The following ADAMTS8 variants were observed in gnomAD, a reference collection of about 807,000 sequenced individuals.
The protein encoded by ADAMTS8 is ADAM metallopeptidase with thrombospondin type 1 motif 8.
A neutral mutation model predicts 64.4 loss-of-function variants in ADAMTS8; 50 were observed. The ratio of observed to expected loss-of-function variants is 0.78; its 90% CI spans 0.62 to 0.98. The LOEUF (loss-of-function observed/expected upper bound fraction) is 0.98. Among genes scored for constraint, ADAMTS8 ranks in the 50% least tolerant of loss-of-function variants. The pLI, the probability that ADAMTS8 is intolerant of heterozygous loss-of-function variation, is 0.00. For missense variants in ADAMTS8, 1,192 were observed against 1,208.2 expected (o/e 0.99, Z 0.20); for synonymous variants, 556 against 533.6 (o/e 1.04, Z -0.58).
chr11:130,409,138 C>T (rs759906700), intron 6 of ADAMTS8, among the ~76,000 whole-genome samples, 198 bp from the exon 7 acceptor site: 3 of 152,154 alleles, frequency 2.0e-5, no homozygotes, highest in Non-Finnish European at 4.4e-5. Context: ...AGGAAAGGAG[C>T]CTCCAGCCGC....
chr11:130,427,729 G>A lies in ADAMTS8; in HGVS notation c.558C>T (p.Ser186=). 1 of 1,595,392 alleles carries A rather than the reference G, an allele frequency of 6.3e-7. No homozygotes were observed. Residue 186 remains serine (S), a synonymous_variant, in exon 1 of 9, where the codon AGC becomes AGT. Transcript: ENST00000257359. Reference sequence around the variant, plus strand: ...CCTCCTCTTCTTGGCTCTCCTCCTCGCTGTCCTCCTGGTGGTCTCCTCTCT... The same window carrying A: ...CCTCCTCTTCTTGGCTCTCCTCCTCACTGTCCTCCTGGTGGTCTCCTCTCT... ...RQERGDHQED[S]EEESQEEEAE... is the part of the protein sequence containing the mutation.
At position 130,405,647 on chromosome 11, in the gene ADAMTS8, C is replaced by A; in HGVS notation, c.2581G>T (p.Asp861Tyr). ...GTGGCAGAGGCCTGGCCGGAGGGGT[C>A]CCTGCACTCTACAGTTCGCCTCTGC... ...GWQRRTVECR[D>Y]PSGQASATCN... is the part of the protein sequence containing the mutation. Residue 861 changes from aspartate to tyrosine, a missense_variant, in exon 9 of 9, where the codon GAC (aspartate) becomes TAC (tyrosine). Coordinates refer to ENST00000257359, the MANE Select transcript of ADAMTS8 (RefSeq NM_007037.6). The A allele has an allele frequency of 6.2e-7, 1 of 1,614,086 alleles. No homozygotes were observed. Among genetic ancestry groups the A allele is most frequent in the Non-Finnish European group, 8.5e-7 (1 of 1,180,022 alleles).
Position 130,406,035 on chromosome 11 carries a change from G to C in ADAMTS8, c.2193C>G (p.Asn731Lys), listed in dbSNP as rs1861878610. The C allele has an allele frequency of 1.2e-6, 2 of 1,614,172 alleles. No individual in the cohort carries two copies. Among genetic ancestry groups the C allele is most frequent in the Non-Finnish European group, 1.7e-6 (2 of 1,180,038 alleles). Reference sequence around the variant, plus strand: ...CATCAGCCGTCTTCAGCGCCAGGTAGTTCCCATCGTTCTGCACACCCGGGT... The same window carrying C: ...CATCAGCCGTCTTCAGCGCCAGGTACTTCCCATCGTTCTGCACACCCGGGT... The part of the protein sequence containing the change: ...RSHPGVQNDG[N>K]YLALKTADGQ... The change falls in exon 9 of 9, where the codon AAC (asparagine) becomes AAG (lysine). Residue 731 changes from asparagine (N) to lysine (K), a missense_variant. Physicochemically the swap from Asn to Lys is moderately conservative, Grantham distance 94 (BLOSUM62 0). Coordinates refer to ENST00000257359, the MANE Select transcript of ADAMTS8 (RefSeq NM_007037.6).
At position 130,416,987 on chromosome 11, in the gene ADAMTS8, A is replaced by G. The variant is rs1234629387; in HGVS notation, c.1049T>C (p.Ile350Thr). ...GGCCGCCTGGAGCCCCTCATCCTCG[A>G]TCACGGAGCAGCTTTTGTTGGGGTC... ...ICDPNKSCSV[I>T]EDEGLQAAHT... Residue 350 changes from isoleucine (I) to threonine (T), a missense_variant, in exon 3 of 9, where the codon ATC (isoleucine) becomes ACC (threonine). By Grantham distance (89) the Ile-to-Thr change is moderately conservative (BLOSUM62 -1). Transcript: ENST00000257359. The surrounding 1 kb of genome is among the most constrained non-coding windows in gnomAD (Gnocchi z 4.8). 6.2e-7 allele frequency: 1 copy of G among 1,613,968 alleles called. No individual in the cohort carries two copies. The highest frequency in any genetic ancestry group is 8.5e-7 in the Non-Finnish European group (1 of 1,180,034).
Position 130,416,696 on chromosome 11 carries a change from C to G in ADAMTS8, c.1096+244G>C, listed in dbSNP as rs187497860. Reference sequence around the variant, plus strand: ...GGTGTCCTGTGTCCTGGCATTTGCCCGGTGACCTGTGATAATCGTGTGGGA... The same window carrying G: ...GGTGTCCTGTGTCCTGGCATTTGCCGGGTGACCTGTGATAATCGTGTGGGA... On this transcript the variant is annotated intron_variant, in intron 3 of 8. Coordinates refer to ENST00000257359, the MANE Select transcript of ADAMTS8 (RefSeq NM_007037.6). This position sits in a 1 kb window ranked among gnomAD's most constrained non-coding sequence, Gnocchi z 4.8. Among the ~76,000 whole-genome samples the G allele has an allele frequency of 1.3e-5, 2 of 152,302 alleles. No homozygotes were observed. The highest frequency in any genetic ancestry group is 4.1e-4 in the South Asian group (2 of 4,824).
intron 4 of ADAMTS8, among the ~76,000 whole-genome samples, chr11:130,415,604 T>C (rs974965275): frequency 1.4e-4 from 3 of 22,084 alleles, no homozygotes; most frequent in African/African-American, 5.8e-4. Flanking sequence ...CACCTGGCCC[T>C]TTTTTTTTTT....
Position 130,416,156 on chromosome 11 carries a change from T to C in ADAMTS8, c.1264+7A>G, listed in dbSNP as rs1277401328. 6.4e-7 allele frequency: 1 copy of C among 1,566,728 alleles called. No individual in the cohort carries two copies. Among genetic ancestry groups the C allele is most frequent in the East Asian group, 2.3e-5 (1 of 42,812 alleles). On this transcript the variant is annotated splice_region_variant and intron_variant, in intron 4 of 8. Coordinates refer to ENST00000257359, the MANE Select transcript of ADAMTS8 (RefSeq NM_007037.6). The surrounding 1 kb of genome is among the most constrained non-coding windows in gnomAD (Gnocchi z 4.8). ...GGGACAAGTAGGGCGGGGCCGCCGGTGCCTACCGTGCCCGCCGTCCAGAAG... is the reference window on the plus strand; with the variant it reads ...GGGACAAGTAGGGCGGGGCCGCCGGCGCCTACCGTGCCCGCCGTCCAGAAG...
intron 1 of ADAMTS8, among the ~76,000 whole-genome samples, chr11:130,426,100 C>A (rs574785963): frequency 1.3e-5 from 2 of 152,312 alleles, no homozygotes; most frequent in South Asian, 4.1e-4. Flanking sequence ...TCAGCGTGAC[C>A]CAAAGCTGCT....
At chr11:130,422,691 A>G (rs1862116234) in intron 1 of ADAMTS8, among the ~76,000 whole-genome samples, 1 of 152,224 alleles carries the variant, frequency 6.6e-6, no homozygotes, top group African/African-American at 2.4e-5. Context: ...GCAAGCAGCA[A>G]AGAGCAATGT....
chr11:130,411,265 C>T lies in ADAMTS8; in HGVS notation c.1750+152G>A. 1.0e-6 allele frequency: 1 copy of T among 954,070 alleles called. No homozygotes were observed. The highest frequency in any genetic ancestry group is 1.5e-6 in the Non-Finnish European group (1 of 654,014). 59.1% of individuals were successfully genotyped at this position (954,070 alleles called of 1,614,324 possible). ...ATTTAGGTGGAGATCACAGGCAAAA[C>T]TCTACATCCCAGGAGACCCAATTTA... On this transcript the variant is annotated intron_variant, in intron 6 of 8. Coordinates refer to ENST00000257359, the MANE Select transcript of ADAMTS8 (RefSeq NM_007037.6). The surrounding 1 kb of genome is among the most constrained non-coding windows in gnomAD (Gnocchi z 4.2).
At chr11:130,408,398 T>C (rs958613403) in intron 8 of ADAMTS8, 66 bp downstream of exon 8, 9 of 1,579,618 alleles carry the variant, frequency 5.7e-6, no homozygotes, top group African/African-American at 1.3e-5. Context: ...AATTTGGGCC[T>C]AGCAGAGTGC....
Position 130,427,822 on chromosome 11 carries a change from G to A in ADAMTS8, c.465C>T (p.Pro155=). The part of the protein sequence containing the change: ...AQPHRLQRWG[P]AGARPLPRGP... ...CTCGCGGGAGGGGGCGGGCTCCGGC[G>A]GGACCCCAGCGCTGCAGGCGGTGCG... The change falls in exon 1 of 9, where the codon CCC becomes CCT. Residue 155 remains proline (P), a synonymous_variant. Transcript: ENST00000257359. 6.4e-7 allele frequency: 1 copy of A among 1,556,694 alleles called. No homozygotes were observed.
At chr11:130,412,411 A>G (rs1184745581) in intron 5 of ADAMTS8, among the ~76,000 whole-genome samples, 1 of 151,926 alleles carries the variant, frequency 6.6e-6, no homozygotes, top group Non-Finnish European at 1.5e-5. Context: ...ATGGGGTTTC[A>G]CCATGTTGGC....
Position 130,411,497 on chromosome 11 carries a change from T to C in ADAMTS8, c.1670A>G (p.Glu557Gly). 6.2e-7 allele frequency: 1 copy of C among 1,614,164 alleles called. No individual in the cohort carries two copies. Among genetic ancestry groups the C allele is most frequent in the South Asian group, 1.1e-5 (1 of 91,086 alleles). ...QFSHRECKDP[E>G]PQNGGRYCLG... ...GCAGTATCTTCCTCCATTCTGAGGCTCGGGGTCCTTGCACTCACGGTGTGA... is the reference window on the plus strand; with the variant it reads ...GCAGTATCTTCCTCCATTCTGAGGCCCGGGGTCCTTGCACTCACGGTGTGA... Residue 557 changes from glutamate (E) to glycine (G), a missense_variant, in exon 6 of 9, where the codon GAG becomes GGG. Transcript: ENST00000257359. This position sits in a 1 kb window ranked among gnomAD's most constrained non-coding sequence, Gnocchi z 4.2.
chr11:130,407,752 C>A lies in ADAMTS8; in HGVS notation c.2099+712G>T, dbSNP rs1421255850. The stretch of plus-strand genomic sequence containing the variant: ...ATCCAGGACTTAGGAAAACTAGGTT[C>A]TCTTCTGGCTGTCATTAACCATCAA... On this transcript the variant is annotated intron_variant, in intron 8 of 8. Coordinates refer to ENST00000257359, the MANE Select transcript of ADAMTS8 (RefSeq NM_007037.6). Among the ~76,000 whole-genome samples the A allele has an allele frequency of 5.3e-5, 8 of 152,290 alleles. No homozygotes were observed. The East Asian group carries it at 9.7e-4, about 18-fold the overall frequency.
Position 130,408,942 on chromosome 11 carries a change from T to C in ADAMTS8, c.1751-2A>G. On this transcript the variant is annotated splice_acceptor_variant, in intron 6 of 8. Transcript: ENST00000257359. LOFTEE classifies it high-confidence loss of function. ...ACTGCTGCTCCCTGAAGCTTTTCCCTAGAAAGAGGAAGAAACGGCATGGAG... is the reference window on the plus strand; with the variant it reads ...ACTGCTGCTCCCTGAAGCTTTTCCCCAGAAAGAGGAAGAAACGGCATGGAG... 6.6e-7 allele frequency: 1 copy of C among 1,523,688 alleles called. No individual in the cohort carries two copies. The highest frequency in any genetic ancestry group is 1.4e-5 in the African/African-American group (1 of 72,024). The allele number at this position is 1,523,688 out of a possible 1,614,324, so 94.4% of individuals were successfully genotyped here.
chr11:130,428,239 C>T lies in ADAMTS8; in HGVS notation c.48G>A (p.Leu16=). Residue 16 remains leucine, a synonymous_variant, in exon 1 of 9, where the codon CTG becomes CTA. Transcript: ENST00000257359. ...AAPRWPPLLL[L]LLLLLPLARG... ...GGGCCAGCGGCAGCAGCAGCAGCAG[C>T]AGCAGCAGGAGCGGAGGCCACCGGG... 4.9e-6 allele frequency: 6 copies of T among 1,227,316 alleles called. No homozygotes were observed. Among genetic ancestry groups the T allele is most frequent in the South Asian group, 3.7e-5 (1 of 26,996 alleles). 76.0% of individuals were successfully genotyped at this position (1,227,316 alleles called of 1,614,324 possible).
intron 1 of ADAMTS8, among the ~76,000 whole-genome samples, chr11:130,425,603 C>CTTT (rs113283111): frequency 3.6e-5 from 5 of 138,736 alleles, no homozygotes; most frequent in Middle Eastern, 3.8e-3. Flanking sequence ...TTTCTTTTTT[C>CTTT]TTTTTTTTTT....
chr11:130,414,269 G>A (rs1324469869), intron 5 of ADAMTS8, among the ~76,000 whole-genome samples: 3 of 151,522 alleles, frequency 2.0e-5, no homozygotes, highest in South Asian at 2.1e-4. Context: ...GACTACAAGC[G>A]TGAGTCACCA....
Sources: allele counts gnomAD v4.1 joint callset (sites outside exome capture counted in the v4.1 genomes callset), GRCh38; gene constraint gnomAD v4.1.1; non-coding constraint Gnocchi (gnomAD v3.1); transcripts MANE v1.5; gene names NCBI Gene and HGNC (gene_info 2026-07-23, HGNC 2026-07-21).